VTI1A: variants seen among roughly 807,000 people sequenced by gnomAD.
The protein encoded by VTI1A is vesicle transport through interaction with t-SNAREs homolog 1A.
A neutral mutation model predicts 34.9 loss-of-function variants in VTI1A; 22 were observed. The observed-to-expected ratio is 0.63, with a 90% CI of 0.45 to 0.90. VTI1A has a LOEUF of 0.90. Ranked by LOEUF, VTI1A falls within the 40% of genes least tolerant of loss-of-function variation. The pLI, the probability that VTI1A is intolerant of heterozygous loss-of-function variation, is 0.00. For missense variants in VTI1A, 268 were observed against 275.6 expected (o/e 0.97, Z 0.20); for synonymous variants, 87 against 97.3 (o/e 0.89, Z 0.62).
At chr10:112,592,070 G>A (rs1325330168) in intron 5 of VTI1A, among the ~76,000 whole-genome samples, 3 of 152,122 alleles carry the variant, frequency 2.0e-5, no homozygotes, top group African/African-American at 7.2e-5. Flanking sequence ...AAGAGAGTTC[G>A]CTGGCTGACA....
At chr10:112,502,061 T>C (rs111786032) in intron 3 of VTI1A, among the ~76,000 whole-genome samples, 22 of 149,752 alleles carry the variant, frequency 1.5e-4, no homozygotes, top group African/African-American at 5.4e-4. Flanking sequence ...AGGGTCTTGT[T>C]CTATTACCCA....
At chr10:112,702,503 T>G (rs575691482) in intron 7 of VTI1A, among the ~76,000 whole-genome samples, 4 of 152,286 alleles carry the variant, frequency 2.6e-5, no homozygotes, top group African/African-American at 7.2e-5. Context: ...CACTGAAACC[T>G]CCACCTCCCA....
At chr10:112,757,531 C>T (rs764505611) in intron 7 of VTI1A, among the ~76,000 whole-genome samples, 4 of 148,108 alleles carry the variant, frequency 2.7e-5, no homozygotes, top group Non-Finnish European at 4.5e-5. Context: ...AATACAGGCA[C>T]GGGCCACCAC....
intron 3 of VTI1A, among the ~76,000 whole-genome samples, chr10:112,526,208 T>C (rs1850218928): frequency 1.3e-5 from 2 of 152,242 alleles, no homozygotes; most frequent in Admixed American, 6.5e-5. Context: ...CTTTTCCAAA[T>C]GTGTATACAT....
chr10:112,460,259 A>G (rs764251940), intron 1 of VTI1A, among the ~76,000 whole-genome samples: 1 of 152,196 alleles, frequency 6.6e-6, no homozygotes, highest in Non-Finnish European at 1.5e-5. Flanking sequence ...AGGGCAACAT[A>G]ATTTTTAGTC....
At chr10:112,691,193 G>A (rs987099686) in intron 7 of VTI1A, among the ~76,000 whole-genome samples, 1 of 151,852 alleles carries the variant, frequency 6.6e-6, no homozygotes, top group Non-Finnish European at 1.5e-5. Flanking sequence ...CACAGGAGGT[G>A]TAGGTTGCAG....
the VTI1A span, among the ~76,000 whole-genome samples, chr10:112,833,063 G>C: frequency 5.9e-5 from 9 of 151,742 alleles, no homozygotes; most frequent in East Asian, 1.7e-3. Flanking sequence ...GATCAGAAGA[G>C]TTCACATGTT....
intron 5 of VTI1A, among the ~76,000 whole-genome samples, chr10:112,647,555 C>A (rs1192873363): frequency 6.6e-6 from 1 of 152,144 alleles, no homozygotes; most frequent in Non-Finnish European, 1.5e-5. Flanking sequence ...ATGTTGCTTT[C>A]CGTTTAACAC....
At chr10:112,448,329 C>T (rs1847047727) in intron 1 of VTI1A, 1 of 151,712 alleles carries the variant, frequency 6.6e-6, no homozygotes, top group Admixed American at 6.6e-5. Flanking sequence ...TTAAAAATTT[C>T]ACATCTCCCA....
At chr10:112,481,204 CA>C (rs1283090709) in intron 3 of VTI1A, among the ~76,000 whole-genome samples, 9 of 152,172 alleles carry the variant, frequency 5.9e-5, no homozygotes, top group Middle Eastern at 3.4e-3. Context: ...TTAAAGTTGG[CA>C]AAATCCAGTA....
intron 5 of VTI1A, among the ~76,000 whole-genome samples, chr10:112,545,607 G>T (rs946115490): frequency 2.1e-4 from 32 of 152,298 alleles, no homozygotes; most frequent in African/African-American, 7.5e-4. Context: ...CCAAAGTGGG[G>T]TCCAGAACCA....
chr10:112,845,782 C>G, the VTI1A span, among the ~76,000 whole-genome samples: 1 of 152,228 alleles, frequency 6.6e-6, no homozygotes, highest in Non-Finnish European at 1.5e-5. Flanking sequence ...CTTTGGGAGG[C>G]TGAGGCAGGC....
At chr10:112,631,481 A>G (rs1846129383) in intron 5 of VTI1A, among the ~76,000 whole-genome samples, 1 of 152,172 alleles carries the variant, frequency 6.6e-6, no homozygotes, top group South Asian at 2.1e-4. Flanking sequence ...AGATTCATCT[A>G]TTCTGGATAT....
At chr10:112,818,954 T>G (rs2134101304), downstream of VTI1A, among the ~76,000 whole-genome samples, 1 of 152,216 alleles carries the variant, frequency 6.6e-6, no homozygotes, top group South Asian at 2.1e-4. Context: ...AGATGAAAAC[T>G]TGTCAAAAAT....
intron 3 of VTI1A, among the ~76,000 whole-genome samples, chr10:112,509,454 T>G (rs1849537714): frequency 1.3e-5 from 2 of 152,214 alleles, no homozygotes. Context: ...GAAATATAAT[T>G]AGAGCAAAAA....
chr10:112,597,985 C>A (rs533610588), intron 5 of VTI1A, among the ~76,000 whole-genome samples: 1 of 152,252 alleles, frequency 6.6e-6, no homozygotes, highest in East Asian at 1.9e-4. Flanking sequence ...GCATGAGCCA[C>A]CGCGCCCGGC....
intron 7 of VTI1A, chr10:112,737,744 C>G: frequency 9.4e-7 from 1 of 1,059,698 alleles, no homozygotes; most frequent in Non-Finnish European, 1.1e-6. Flanking sequence ...CTCTGGCCGC[C>G]TTTCCTCTCA....
chr10:112,768,718 G>A (rs1157463069), intron 7 of VTI1A, among the ~76,000 whole-genome samples: 1 of 152,122 alleles, frequency 6.6e-6, no homozygotes, highest in African/African-American at 2.4e-5. Context: ...GAAATACAGA[G>A]CATTACTAGG....
chr10:112,632,308 A>C (rs1196321054), intron 5 of VTI1A, among the ~76,000 whole-genome samples: 2 of 152,222 alleles, frequency 1.3e-5, no homozygotes, highest in African/African-American at 2.4e-5. Context: ...ATATGAACAC[A>C]AAGTATTTTT....
Sources: gnomAD v4.1 joint callset for allele counts (sites outside exome capture counted in the v4.1 genomes callset) on GRCh38, gnomAD v4.1.1 for gene constraint, MANE v1.5 for transcripts, NCBI Gene and HGNC (gene_info 2026-07-23, HGNC 2026-07-21) for gene names.